Variants in FAM114A1 observed in about 807,000 individuals in gnomAD.
FAM114A1 encodes protein NOXP20.
FAM114A1 carries 62 observed loss-of-function variants against 64.3 expected under a neutral mutation model. That is an observed-to-expected ratio of 0.96 (90% confidence interval 0.79 to 1.19). The LOEUF is 1.19. Ranked by LOEUF, FAM114A1 falls within the 50% of genes most tolerant of loss-of-function variation. The probability of loss-of-function intolerance (pLI) is 0.00; values close to 1 mark genes in which losing one functional copy is unlikely to be tolerated. For missense variants in FAM114A1, 645 were observed against 676.3 expected (o/e 0.95, Z 0.51); for synonymous variants, 254 against 251.1 (o/e 1.01, Z -0.11).
intron 7 of FAM114A1, 43 bp downstream of exon 7, chr4:38,908,769 A>G (rs748379166): frequency 6.8e-7 from 1 of 1,480,854 alleles, no homozygotes; most frequent in African/African-American, 1.4e-5. Flanking sequence ...CAGTCAATAA[A>G]GTAAATAAAT....
chr4:38,884,387 A>C (rs1254183609), intron 3 of FAM114A1, among the ~76,000 whole-genome samples: 1 of 152,270 alleles, frequency 6.6e-6, no homozygotes, highest in Non-Finnish European at 1.5e-5. Context: ...AGAGGCTATC[A>C]GCACCTATGT....
chr4:38,918,358 A>G (rs1206276657), intron 8 of FAM114A1, among the ~76,000 whole-genome samples: 1 of 152,250 alleles, frequency 6.6e-6, no homozygotes, highest in Non-Finnish European at 1.5e-5. Flanking sequence ...TTAGGGCTTC[A>G]GGAACCAGAC....
chr4:38,938,127 TG>T (rs1037486008), intron 13 of FAM114A1, among the ~76,000 whole-genome samples: 1 of 152,190 alleles, frequency 6.6e-6, no homozygotes, highest in Non-Finnish European at 1.5e-5. Context: ...TCCTGGTTCC[TG>T]GGTAAAAAGG....
At chr4:38,886,730 C>A (rs1470882162) in intron 3 of FAM114A1, among the ~76,000 whole-genome samples, 2 of 151,470 alleles carry the variant, frequency 1.3e-5, no homozygotes, top group Non-Finnish European at 2.9e-5. Context: ...GAGTTCAAGA[C>A]CAGCCTGGCC....
At chr4:38,905,026 C>G (rs1717849339) in intron 4 of FAM114A1, among the ~76,000 whole-genome samples, 1 of 152,128 alleles carries the variant, frequency 6.6e-6, no homozygotes, top group Admixed American at 6.6e-5. Flanking sequence ...GGTCATTCAA[C>G]CAGGCAGGGG....
chr4:38,899,834 A>G (rs944140615), intron 4 of FAM114A1, among the ~76,000 whole-genome samples: 2 of 152,192 alleles, frequency 1.3e-5, no homozygotes, highest in Non-Finnish European at 1.5e-5. Flanking sequence ...AGCTGATCCA[A>G]TATTACATTT....
intron 2 of FAM114A1, among the ~76,000 whole-genome samples, chr4:38,873,180 C>G (rs1238981395): frequency 1.3e-5 from 2 of 152,148 alleles, no homozygotes; most frequent in Non-Finnish European, 2.9e-5. Context: ...TATACCAGCT[C>G]AAGGGAAGTC....
At position 38,932,350 on chromosome 4, in the gene FAM114A1, A is replaced by G. The variant is rs1720721220; in HGVS notation, c.1439A>G (p.Gln480Arg). Reference protein sequence around the residue: ...LHGQEEEKPAQDQAKVLIKLT... With the variant: ...LHGQEEEKPARDQAKVLIKLT... ...GGACAAGAAGAGGAAAAACCAGCTCAGGACCAAGCAAAAGTTCTAATAAAG... is the reference window on the plus strand; with the variant it reads ...GGACAAGAAGAGGAAAAACCAGCTCGGGACCAAGCAAAAGTTCTAATAAAG... Residue 480 changes from glutamine (Q) to arginine (R), a missense_variant, in exon 12 of 15, where the codon CAG becomes CGG. Coordinates refer to ENST00000358869, the MANE Select transcript of FAM114A1 (RefSeq NM_138389.4). 1.9e-6 allele frequency: 3 copies of G among 1,589,456 alleles called. No homozygotes were observed. The highest frequency in any genetic ancestry group is 1.7e-6 in the Non-Finnish European group (2 of 1,174,134).
intron 4 of FAM114A1, among the ~76,000 whole-genome samples, chr4:38,895,789 G>A (rs530521677): frequency 2.6e-5 from 4 of 152,270 alleles, no homozygotes; most frequent in South Asian, 4.1e-4. Context: ...TGCAAACATA[G>A]GACAGCTTAT....
intron 3 of FAM114A1, among the ~76,000 whole-genome samples, chr4:38,880,278 C>T (rs2109555589): frequency 6.6e-6 from 1 of 152,198 alleles, no homozygotes; most frequent in East Asian, 1.9e-4. Context: ...TAATGTTTGG[C>T]CAGGATTGAG....
Position 38,885,523 on chromosome 4 carries a change from T to A in FAM114A1, c.349-6220T>A, listed in dbSNP as rs1011755157. On this transcript the variant is annotated intron_variant, in intron 3 of 14. Coordinates refer to ENST00000358869, the MANE Select transcript of FAM114A1 (RefSeq NM_138389.4). ...AACTCCTGGCCTCAAGTGATCCTCC[T>A]GCCTCGGCCTCCCAAAGTGCTGAGA... Among the ~76,000 whole-genome samples, 9 of 152,232 alleles carry A rather than the reference T, an allele frequency of 5.9e-5. No homozygotes were observed. The East Asian group carries it at 1.7e-3, about 29-fold the overall frequency.
chr4:38,941,074 T>C, intron 14 of FAM114A1, 53 bp downstream of exon 14: 1 of 1,373,966 alleles, frequency 7.3e-7, no homozygotes, highest in Non-Finnish European at 9.8e-7. Context: ...ATGTTAGAAC[T>C]ACTTTTTTTT....
chr4:38,891,615 T>C, intron 3 of FAM114A1, 128 bp from the exon 4 acceptor site: 1 of 765,636 alleles, frequency 1.3e-6, no homozygotes. Context: ...CCTTATAAAC[T>C]ATAAGCCAAT....
intron 7 of FAM114A1, among the ~76,000 whole-genome samples, chr4:38,913,046 A>G (rs150868730): frequency 5.2e-4 from 79 of 152,326 alleles, no homozygotes; most frequent in African/African-American, 1.8e-3. Context: ...CCAGAAGGAA[A>G]TAAGGCTGAT....
At chr4:38,886,622 A>C (rs953091103) in intron 3 of FAM114A1, among the ~76,000 whole-genome samples, 4 of 151,886 alleles carry the variant, frequency 2.6e-5, no homozygotes, top group Non-Finnish European at 5.9e-5. Flanking sequence ...CCTATATAGA[A>C]AGCATGTATA....
intron 10 of FAM114A1, among the ~76,000 whole-genome samples, chr4:38,930,038 C>T (rs999636829): frequency 6.6e-6 from 1 of 152,136 alleles, no homozygotes; most frequent in Non-Finnish European, 1.5e-5. Flanking sequence ...CACCCCGCCC[C>T]CCTTCTAAAG....
chr4:38,873,582 A>C (rs1275869205), intron 2 of FAM114A1, among the ~76,000 whole-genome samples: 1 of 152,224 alleles, frequency 6.6e-6, no homozygotes, highest in African/African-American at 2.4e-5. Context: ...GATAAACACA[A>C]AATGCCCTCA....
At chr4:38,913,055 A>G (rs1448732487) in intron 7 of FAM114A1, among the ~76,000 whole-genome samples, 2 of 152,152 alleles carry the variant, frequency 1.3e-5, no homozygotes, top group Non-Finnish European at 1.5e-5. Context: ...AATAAGGCTG[A>G]TTGTTTTTCT....
intron 4 of FAM114A1, among the ~76,000 whole-genome samples, chr4:38,894,673 A>G (rs943008981): frequency 2.0e-5 from 3 of 152,042 alleles, no homozygotes; most frequent in Admixed American, 1.3e-4. Flanking sequence ...GGATGGAAAA[A>G]CTTGCCACTT....
Sources: allele counts gnomAD v4.1 joint callset (sites outside exome capture counted in the v4.1 genomes callset), GRCh38; gene constraint gnomAD v4.1.1; transcripts MANE v1.5; gene names NCBI Gene and HGNC (gene_info 2026-07-23, HGNC 2026-07-21).